GDAP1: variants seen among roughly 807,000 people sequenced by gnomAD.
The protein encoded by GDAP1 is ganglioside-induced differentiation-associated protein 1.
GDAP1 carries 34 observed loss-of-function variants against 40.1 expected under a neutral mutation model. The ratio of observed to expected loss-of-function variants is 0.85; its 90% CI spans 0.64 to 1.13. The LOEUF (loss-of-function observed/expected upper bound fraction) is 1.13. Among genes scored for constraint, GDAP1 ranks in the 50% most tolerant of loss-of-function variants. The pLI, the probability that GDAP1 is intolerant of heterozygous loss-of-function variation, is 0.00. For missense variants in GDAP1, 374 were observed against 433.7 expected (o/e 0.86, Z 1.22); for synonymous variants, 170 against 157.4 (o/e 1.08, Z -0.60).
intron 3 of GDAP1, among the ~76,000 whole-genome samples, chr8:74,360,519 A>G (rs1809313020): frequency 6.6e-6 from 1 of 152,178 alleles, no homozygotes; most frequent in Non-Finnish European, 1.5e-5. Flanking sequence ...TGTCTATAGG[A>G]CCTGATTTAT....
At chr8:74,406,664 C>G (rs1586824829) in intron 2 of GDAP1, among the ~76,000 whole-genome samples, 1 of 150,086 alleles carries the variant, frequency 6.7e-6, no homozygotes, top group Non-Finnish European at 1.5e-5. Context: ...CATGTTGTCT[C>G]TCTCCCACTT....
At chr8:74,424,545 A>G (rs1375279805) in intron 2 of GDAP1, among the ~76,000 whole-genome samples, 2 of 152,160 alleles carry the variant, frequency 1.3e-5, no homozygotes, top group Non-Finnish European at 2.9e-5. Flanking sequence ...TCTGCTCTTC[A>G]CTATGGTGAT....
intron 2 of GDAP1, among the ~76,000 whole-genome samples, chr8:74,392,833 C>G: frequency 6.6e-6 from 1 of 152,112 alleles, no homozygotes; most frequent in Non-Finnish European, 1.5e-5. Context: ...AATGGCAGAG[C>G]CAAAGGACAG....
chr8:74,428,633 A>ATT (rs1195348725), intron 2 of GDAP1, among the ~76,000 whole-genome samples: 12,010 of 42,374 alleles, frequency 0.28, 3,724 homozygotes, highest in South Asian at 0.41. Flanking sequence ...CACCCGGCTA[A>ATT]TTTTTTTTTT....
intron 2 of GDAP1, among the ~76,000 whole-genome samples, chr8:74,470,548 C>T (rs1009149686): frequency 6.6e-6 from 1 of 152,176 alleles, no homozygotes; most frequent in African/African-American, 2.4e-5. Flanking sequence ...ATGATGGTTT[C>T]CAGCTTCATC....
chr8:74,457,065 G>T (rs888360702), intron 2 of GDAP1, among the ~76,000 whole-genome samples: 1 of 152,026 alleles, frequency 6.6e-6, no homozygotes, highest in Non-Finnish European at 1.5e-5. Flanking sequence ...TGGAAGCCCA[G>T]CAAAATTTAT....
intron 2 of GDAP1, among the ~76,000 whole-genome samples, chr8:74,457,309 C>T (rs1478783772): frequency 6.6e-6 from 1 of 152,034 alleles, no homozygotes; most frequent in Non-Finnish European, 1.5e-5. Flanking sequence ...CATTTCTAAT[C>T]TTGTGAGCAA....
intron 2 of GDAP1, among the ~76,000 whole-genome samples, chr8:74,390,858 C>T (rs540520803): frequency 1.1e-4 from 17 of 152,320 alleles, no homozygotes; most frequent in African/African-American, 3.6e-4. Flanking sequence ...GGGCTGCTGC[C>T]TTTCTTTCAG....
At chr8:74,426,892 G>T (rs1805953945) in intron 2 of GDAP1, among the ~76,000 whole-genome samples, 1 of 152,126 alleles carries the variant, frequency 6.6e-6, no homozygotes, top group South Asian at 2.1e-4. Context: ...ACTCCACCCA[G>T]AAATGATAGA....
chr8:74,365,172 G>A lies in GDAP1; in HGVS notation c.*805G>A, dbSNP rs1034790358. ...TAATCACTAGCATGTCTAGGTATTG[G>A]CTGGGTAGTGGGTATTTTGATGATC... is the stretch of plus-strand genomic sequence containing the variant. On this transcript the variant is annotated 3_prime_UTR_variant, in exon 6 of 6. Coordinates refer to ENST00000220822, the MANE Select transcript of GDAP1 (RefSeq NM_018972.4). The A allele has an allele frequency of 3.1e-5, 14 of 453,940 alleles. No homozygotes were observed. The highest frequency in any genetic ancestry group is 5.3e-5 in the Non-Finnish European group (12 of 226,792). 28.1% of individuals were successfully genotyped at this position (453,940 alleles called of 1,614,324 possible). A position where few individuals can be genotyped will look rare whatever the true frequency, so the allele number is the denominator to read the frequency against.
At chr8:74,445,403 A>G (rs1008213881) in intron 2 of GDAP1, among the ~76,000 whole-genome samples, 4 of 152,176 alleles carry the variant, frequency 2.6e-5, no homozygotes, top group Non-Finnish European at 5.9e-5. Context: ...GAGAGCTATC[A>G]GTAAAAAGAG....
chr8:74,447,503 A>G (rs1390576896), intron 2 of GDAP1, among the ~76,000 whole-genome samples: 5 of 152,142 alleles, frequency 3.3e-5, no homozygotes, highest in Admixed American at 2.0e-4. Flanking sequence ...GGAAAATATC[A>G]TACCTTACCT....
chr8:74,424,899 G>A (rs1805927972), intron 2 of GDAP1, among the ~76,000 whole-genome samples: 1 of 152,110 alleles, frequency 6.6e-6, no homozygotes, highest in Admixed American at 6.5e-5. Flanking sequence ...GGTTATTATA[G>A]ATTTCTGAAT....
In GDAP1 at chr8:74,365,944, A is replaced by G; in HGVS notation, c.*1577A>G. The G allele has an allele frequency of 4.4e-6, 2 of 453,232 alleles. No individual in the cohort carries two copies. Among genetic ancestry groups the G allele is most frequent in the South Asian group, 3.1e-5 (2 of 63,992 alleles). 28.1% of individuals were successfully genotyped at this position (453,232 alleles called of 1,614,324 possible). On this transcript the variant is annotated 3_prime_UTR_variant, in exon 6 of 6. Transcript: ENST00000220822. ...CAATCCATGTATTCATTAGAGCCATAGAAGTTATTATTCATTAGTTCATAG... is the reference window on the plus strand; with the variant it reads ...CAATCCATGTATTCATTAGAGCCATGGAAGTTATTATTCATTAGTTCATAG...
intron 4 of GDAP1, among the ~76,000 whole-genome samples, chr8:74,362,332 C>T (rs915609245): frequency 6.6e-6 from 1 of 152,148 alleles, no homozygotes; most frequent in Non-Finnish European, 1.5e-5. Context: ...TGCTTTGCCC[C>T]CTGAGGAGTG....
At chr8:74,361,097 CTT>C (rs1442434388) in intron 3 of GDAP1, among the ~76,000 whole-genome samples, 1 of 152,042 alleles carries the variant, frequency 6.6e-6, no homozygotes, top group African/African-American at 2.4e-5. Context: ...CCTTCTCTTC[CTT>C]TTTCTCCACT....
intron 2 of GDAP1, among the ~76,000 whole-genome samples, chr8:74,372,560 A>C (rs553091436): frequency 6.6e-6 from 1 of 152,356 alleles, no homozygotes; most frequent in Admixed American, 6.5e-5. Flanking sequence ...GGATGCATAA[A>C]AGTCTTCTTT....
intron 2 of GDAP1, among the ~76,000 whole-genome samples, chr8:74,392,571 C>G (rs1201056857): frequency 6.6e-6 from 1 of 152,150 alleles, no homozygotes; most frequent in African/African-American, 2.4e-5. Flanking sequence ...ATATTATATA[C>G]TAGTGAGAAG....
chr8:74,427,569 T>G (rs1243803481), intron 2 of GDAP1, among the ~76,000 whole-genome samples: 1 of 152,210 alleles, frequency 6.6e-6, no homozygotes, highest in Non-Finnish European at 1.5e-5. Flanking sequence ...AGACAATCTT[T>G]GATACTCTTT....
Sources: allele counts gnomAD v4.1 joint callset (sites outside exome capture counted in the v4.1 genomes callset), GRCh38; gene constraint gnomAD v4.1.1; transcripts MANE v1.5; gene names NCBI Gene and HGNC (gene_info 2026-07-23, HGNC 2026-07-21).